The following AGAP1 variants were observed in gnomAD, a reference collection of about 807,000 sequenced individuals.
AGAP1 encodes the protein arf-GAP with GTPase, ANK repeat and PH domain-containing protein 1.
A neutral mutation model predicts 105.3 loss-of-function variants in AGAP1; 29 were observed. That is an observed-to-expected ratio of 0.28 (90% CI 0.21 to 0.38). The LOEUF (loss-of-function observed/expected upper bound fraction) is 0.38, where lower values mean the gene tolerates loss of function less well. AGAP1 is among the 10% of genes least tolerant of loss of function. The probability of loss-of-function intolerance (pLI) is 1.00; values close to 1 mark genes in which losing one functional copy is unlikely to be tolerated. For missense variants in AGAP1, 998 were observed against 1,165.1 expected, an observed-to-expected ratio of 0.86 and a Z score of 2.09; for synonymous variants, 509 against 485.9, an observed-to-expected ratio of 1.05 and a Z score of -0.63.
At chr2:235,512,193 G>A (rs1265903889) in intron 1 of AGAP1, among the ~76,000 whole-genome samples, 1 of 152,236 alleles carries the variant, frequency 6.6e-6, no homozygotes, top group Non-Finnish European at 1.5e-5. Flanking sequence ...AGAATGCTGG[G>A]CAGATGGCTG....
At chr2:235,519,140 G>A (rs150453621) in intron 1 of AGAP1, among the ~76,000 whole-genome samples, 146 of 152,228 alleles carry the variant, frequency 9.6e-4, no homozygotes, top group Non-Finnish European at 1.7e-3. Context: ...TGCCACAATC[G>A]TAGCTCACCA....
At chr2:235,761,481 C>T (rs1049518760) in intron 6 of AGAP1, among the ~76,000 whole-genome samples, 1 of 152,194 alleles carries the variant, frequency 6.6e-6, no homozygotes, top group Non-Finnish European at 1.5e-5. Flanking sequence ...TTTAATACTT[C>T]TCTGCACTGC....
chr2:235,670,927 CG>C, intron 1 of AGAP1: 5 of 1,325,234 alleles, frequency 3.8e-6, no homozygotes, highest in Admixed American at 3.9e-5. Flanking sequence ...CGCGCAGGGA[CG>C]GGGGCCCGGG....
chr2:235,748,639 T>C (rs1282069991), intron 5 of AGAP1, among the ~76,000 whole-genome samples: 1 of 152,156 alleles, frequency 6.6e-6, no homozygotes, highest in South Asian at 2.1e-4. Context: ...CCCTATTTCA[T>C]AGGGCTAAGA....
At position 236,104,083 on chromosome 2, in the gene AGAP1, A is replaced by G. The variant is rs1175333578; in HGVS notation, c.2115-16109A>G. ...CCTGCAGCAATGTGAAACCTTAGGTACTTCCCACTTGCATTTAGGTGGGGG... is the reference window on the plus strand; with the variant it reads ...CCTGCAGCAATGTGAAACCTTAGGTGCTTCCCACTTGCATTTAGGTGGGGG... On this transcript the variant is annotated intron_variant, in intron 16 of 17. Transcript: ENST00000304032. This position sits in a 1 kb window ranked among gnomAD's most constrained non-coding sequence, Gnocchi z 4.7. Among the ~76,000 whole-genome samples the G allele has an allele frequency of 1.3e-5, 2 of 152,188 alleles. No homozygotes were observed. Among genetic ancestry groups the G allele is most frequent in the Non-Finnish European group, 2.9e-5 (2 of 68,028 alleles).
rs867113640 is a variant in AGAP1, at chr2:235,578,799, A to T, written c.163+83950A>T. The stretch of plus-strand genomic sequence containing the variant: ...GACTCAGTCTCAAAAAAAAAAAAAA[A>T]ATTTTTTTTTTACAATAAGCTATTT... On this transcript the variant is annotated intron_variant, in intron 1 of 17. Coordinates refer to ENST00000304032, the MANE Select transcript of AGAP1 (RefSeq NM_001037131.3). This position sits in a 1 kb window ranked among gnomAD's most constrained non-coding sequence, Gnocchi z 4.9. Among the ~76,000 whole-genome samples, 2 of 84,584 alleles carry T rather than the reference A, an allele frequency of 2.4e-5. No individual in the cohort carries two copies. Among genetic ancestry groups the T allele is most frequent in the African/African-American group, 4.5e-5 (1 of 22,460 alleles). The allele number at this position is 84,584 out of a possible 152,430, so 55.5% of individuals were successfully genotyped here. A position where few individuals can be genotyped will look rare whatever the true frequency, so the allele number is the denominator to read the frequency against.
intron 6 of AGAP1, among the ~76,000 whole-genome samples, chr2:235,763,696 A>G (rs530425356): frequency 8.5e-4 from 129 of 152,210 alleles, no homozygotes; most frequent in African/African-American, 3.0e-3. Context: ...ACCTGGCCAC[A>G]CTGGGTATAT....
At position 235,887,749 on chromosome 2, in the gene AGAP1, C is replaced by T. The variant is rs1030663002; in HGVS notation, c.1155+4300C>T. ...GGGTATCAATAGTGAGGTTGCTGCA[C>T]CGATTCCTGGTGTATACCACTAATT... On this transcript the variant is annotated intron_variant, in intron 10 of 17. Coordinates refer to ENST00000304032, the MANE Select transcript of AGAP1 (RefSeq NM_001037131.3). This position sits in a 1 kb window ranked among gnomAD's most constrained non-coding sequence, Gnocchi z 4.1. Among the ~76,000 whole-genome samples, 4 of 152,172 alleles carry T rather than the reference C, an allele frequency of 2.6e-5. No homozygotes were observed. Among genetic ancestry groups the T allele is most frequent in the African/African-American group, 9.7e-5 (4 of 41,440 alleles).
chr2:235,629,971 T>C (rs1170292622), intron 1 of AGAP1, among the ~76,000 whole-genome samples: 2 of 152,158 alleles, frequency 1.3e-5, no homozygotes, highest in Non-Finnish European at 2.9e-5. Flanking sequence ...GCTTTATTAA[T>C]TAAAGTATCA....
rs190169434 is a variant in AGAP1, at chr2:235,917,259, G to A, written c.1324+8353G>A. Among the ~76,000 whole-genome samples the A allele has an allele frequency of 9.9e-5, 15 of 152,076 alleles. No homozygotes were observed. In the East Asian group the frequency reaches 2.1e-3, roughly 22 times the overall value. On this transcript the variant is annotated intron_variant, in intron 11 of 17. Transcript: ENST00000304032. ...ATTTTCCAGGGGAGGTGGGGGAGGC[G>A]GGGACAGCAAATGTGTTTTGAGTAT...
intron 9 of AGAP1, among the ~76,000 whole-genome samples, chr2:235,819,367 C>G (rs941360106): frequency 6.6e-6 from 1 of 151,508 alleles, no homozygotes; most frequent in East Asian, 2.0e-4. Flanking sequence ...CACCCACCTC[C>G]ACCTCCCAGA....
In AGAP1 at chr2:236,121,006, A is replaced by C. The variant is rs56890225; in HGVS notation, c.2370+559A>C. On this transcript the variant is annotated intron_variant, in intron 17 of 17. Coordinates refer to ENST00000304032, the MANE Select transcript of AGAP1 (RefSeq NM_001037131.3). The surrounding 1 kb of genome is among the most constrained non-coding windows in gnomAD (Gnocchi z 4.9). ...CAGAGAGGCCCTGCCTGTGCCACCC[A>C]GGAGCTACGTCTGAGAAGCCACGCC... Among the ~76,000 whole-genome samples, 1 of 152,236 alleles carries C rather than the reference A, an allele frequency of 6.6e-6. No homozygotes were observed. Among genetic ancestry groups the C allele is most frequent in the Non-Finnish European group, 1.5e-5 (1 of 68,048 alleles).
chr2:236,037,653 C>G (rs2057423488), intron 14 of AGAP1, among the ~76,000 whole-genome samples: 1 of 152,210 alleles, frequency 6.6e-6, no homozygotes, highest in African/African-American at 2.4e-5. Flanking sequence ...AGCGATCCAC[C>G]TGCCTCAGAC....
At chr2:235,675,875 C>T (rs887629776) in intron 1 of AGAP1, among the ~76,000 whole-genome samples, 5 of 152,152 alleles carry the variant, frequency 3.3e-5, no homozygotes, top group Non-Finnish European at 7.4e-5. Context: ...GAGACTTGGG[C>T]TGGAATATCC....
At chr2:235,521,515 C>T (rs1249909816) in intron 1 of AGAP1, among the ~76,000 whole-genome samples, 1 of 145,444 alleles carries the variant, frequency 6.9e-6, no homozygotes, top group Non-Finnish European at 1.5e-5. Flanking sequence ...TAAATATAAG[C>T]AAATACATGC....
chr2:235,595,281 G>A (rs887973263), intron 1 of AGAP1, among the ~76,000 whole-genome samples: 1 of 152,182 alleles, frequency 6.6e-6, no homozygotes, highest in Non-Finnish European at 1.5e-5. Flanking sequence ...AGTATTGGGA[G>A]CTGACTCTTA....
chr2:235,630,601 A>G (rs1946796154), intron 1 of AGAP1, among the ~76,000 whole-genome samples: 1 of 152,200 alleles, frequency 6.6e-6, no homozygotes, highest in Non-Finnish European at 1.5e-5. Context: ...GTAATATTGC[A>G]CATCCATGTT....
chr2:235,568,600 C>T (rs1944423550), intron 1 of AGAP1, among the ~76,000 whole-genome samples: 1 of 152,134 alleles, frequency 6.6e-6, no homozygotes, highest in Admixed American at 6.5e-5. Context: ...TCGCTGCTGG[C>T]TCAGTGCCGG....
chr2:235,544,162 G>A (rs1488819231), intron 1 of AGAP1, among the ~76,000 whole-genome samples: 1 of 152,216 alleles, frequency 6.6e-6, no homozygotes, highest in Non-Finnish European at 1.5e-5. Flanking sequence ...GTGAATGGCA[G>A]CATGTCTTTA....
Sources: allele counts gnomAD v4.1 joint callset (sites outside exome capture counted in the v4.1 genomes callset), GRCh38; gene constraint gnomAD v4.1.1; non-coding constraint Gnocchi (gnomAD v3.1); transcripts MANE v1.5; gene names NCBI Gene and HGNC (gene_info 2026-07-23, HGNC 2026-07-21).